TULP3: variants seen among roughly 807,000 people sequenced by gnomAD.
The protein encoded by TULP3 is TUB like protein 3, also known as tubby-related protein 3.
A neutral mutation model predicts 50.7 loss-of-function variants in TULP3; 38 were observed. The ratio of observed to expected loss-of-function variants is 0.75; its 90% CI spans 0.58 to 0.98. The LOEUF (loss-of-function observed/expected upper bound fraction) is 0.98, where lower values mean the gene tolerates loss of function less well. Ranked by LOEUF, TULP3 falls within the 50% of genes least tolerant of loss-of-function variation. The pLI is 0.00. For synonymous variants in TULP3, 183 were observed against 196.6 expected, an observed-to-expected ratio of 0.93 and a Z score of 0.58; for missense variants, 550 against 568.0, an observed-to-expected ratio of 0.97 and a Z score of 0.32.
rs11409686 is a variant in TULP3, at chr12:2,932,579, C to CAA, written c.697-820_697-819dup. ...TGGGTGACAGAGTGAGACCCTATCT[C>CAA]AAAAAAAAAAAAAAAAAAAAGCCAT... On this transcript the variant is annotated intron_variant, in intron 6 of 10. Coordinates refer to ENST00000448120, the MANE Select transcript of TULP3 (RefSeq NM_003324.5). Among the ~76,000 whole-genome samples the CAA allele has an allele frequency of 4.4e-3, 301 of 68,708 alleles. 1 individual carries two copies. Among genetic ancestry groups the CAA allele is most frequent in the Middle Eastern group, 0.021 (3 of 140 alleles). 45.1% of individuals were successfully genotyped at this position (68,708 alleles called of 152,430 possible).
chr12:2,927,366 A>ATGTTTTTTTTT (rs2098195288), intron 4 of TULP3, among the ~76,000 whole-genome samples: 1 of 105,194 alleles, frequency 9.5e-6, no homozygotes, highest in African/African-American at 3.9e-5. Context: ...GTTGAGACTG[A>ATGTTTTTTTTT]TTTTTTTTTT....
At position 2,939,253 on chromosome 12, in the gene TULP3, G is replaced by T; in HGVS notation, c.1196-58G>T. The T allele has an allele frequency of 1.3e-6, 2 of 1,575,876 alleles. No individual in the cohort carries two copies. ...CTAAGAAAAGGAAGAAAAAGAAAAAGATTTCCCTGAGTGCAACCACATTAT... is the reference window on the plus strand; with the variant it reads ...CTAAGAAAAGGAAGAAAAAGAAAAATATTTCCCTGAGTGCAACCACATTAT... On this transcript the variant is annotated intron_variant, in intron 10 of 10. Coordinates refer to ENST00000448120, the MANE Select transcript of TULP3 (RefSeq NM_003324.5). This position sits in a 1 kb window ranked among gnomAD's most constrained non-coding sequence, Gnocchi z 4.0.
chr12:2,929,359 G>C (rs979342406), intron 4 of TULP3, among the ~76,000 whole-genome samples: 1 of 152,074 alleles, frequency 6.6e-6, no homozygotes, highest in African/African-American at 2.4e-5. Context: ...ACCCAGGCTG[G>C]GGTGCAGTGG....
intron 1 of TULP3, among the ~76,000 whole-genome samples, chr12:2,892,273 T>C (rs537828714): frequency 8.0e-4 from 122 of 152,222 alleles, no homozygotes; most frequent in Middle Eastern, 6.8e-3. Flanking sequence ...CTTTTTTTTT[T>C]CCCAAGTCGA....
intron 1 of TULP3, among the ~76,000 whole-genome samples, chr12:2,899,868 G>C (rs1024486807): frequency 5.0e-5 from 7 of 141,208 alleles, no homozygotes; most frequent in Non-Finnish European, 9.0e-5. Flanking sequence ...ACTCCAGCCT[G>C]GGCGACAGAG....
chr12:2,911,523 ATTT>A (rs888363727), intron 2 of TULP3, among the ~76,000 whole-genome samples: 40 of 84,638 alleles, frequency 4.7e-4, no homozygotes, highest in Admixed American at 1.2e-4. Flanking sequence ...AGGCTAATTT[ATTT>A]TTTATTTTTT....
chr12:2,891,568 C>T (rs2098172115), intron 1 of TULP3, among the ~76,000 whole-genome samples: 1 of 152,134 alleles, frequency 6.6e-6, no homozygotes, highest in Non-Finnish European at 1.5e-5. Flanking sequence ...TTGTGCGCCT[C>T]TTTCTCTGCC....
rs762364081 is a variant in TULP3, at chr12:2,937,724, C to T, written c.1018C>T (p.Gln340Ter). ...TCATAAGCAGATCCCCTATCAGCCA[C>T]AAAACGTGAGTAAGAATGTATTTAA... ...LNHKQIPYQP[Q>*]NNHDSLLSRW... is the part of the protein sequence containing the mutation. The change falls in exon 9 of 11, where the codon CAA (glutamine) becomes TAA (stop). Residue 340 changes from glutamine to a stop codon, truncating the protein, a stop_gained. Transcript: ENST00000448120. LOFTEE classifies it high-confidence loss of function. 9.4e-6 allele frequency: 15 copies of T among 1,602,788 alleles called. No individual in the cohort carries two copies. The highest frequency in any genetic ancestry group is 1.3e-5 in the Non-Finnish European group (15 of 1,175,400).
intron 1 of TULP3, among the ~76,000 whole-genome samples, chr12:2,900,214 T>A (rs2098178313): frequency 6.6e-6 from 1 of 152,090 alleles, no homozygotes; most frequent in African/African-American, 2.4e-5. Context: ...AGAGCAAGAC[T>A]CTGTCTCAGA....
Position 2,938,007 on chromosome 12 carries a change from G to A in TULP3, c.1024-107G>A, listed in dbSNP as rs12316376. The A allele has an allele frequency of 6.9e-4, 860 of 1,248,814 alleles. 5 individuals are homozygous for A. In the African/African-American group the frequency reaches 0.011, roughly 17 times the overall value. The allele number at this position is 1,248,814 out of a possible 1,614,324, so 77.4% of individuals were successfully genotyped here. ...TCTTCATTGTTGGCTTTCATTCTTC[G>A]CTTCTGGTTTACCCTTTCTGAAATG... On this transcript the variant is annotated intron_variant, in intron 9 of 10. Transcript: ENST00000448120.
chr12:2,928,254 G>A (rs909911087), intron 4 of TULP3, among the ~76,000 whole-genome samples: 10 of 152,232 alleles, frequency 6.6e-5, no homozygotes, highest in African/African-American at 2.4e-4. Context: ...CAGGGGGCCA[G>A]CCATGGTGGC....
chr12:2,932,573 C>T (rs985189467), intron 6 of TULP3, among the ~76,000 whole-genome samples: 1 of 131,292 alleles, frequency 7.6e-6, no homozygotes, highest in African/African-American at 2.9e-5. Flanking sequence ...GAGTGAGACC[C>T]TATCTCAAAA....
chr12:2,940,842 C>T lies in TULP3; in HGVS notation c.*1398C>T, dbSNP rs567712543. ...AGGCATGTATCCCACCAAGTGCCTC[C>T]CTCACAGCCATGCCCAGAAGCCTCA... On this transcript the variant is annotated 3_prime_UTR_variant, in exon 11 of 11. Coordinates refer to ENST00000448120, the MANE Select transcript of TULP3 (RefSeq NM_003324.5). The T allele has an allele frequency of 1.1e-5, 10 of 948,106 alleles. No individual in the cohort carries two copies. In the South Asian group the frequency reaches 1.5e-4, roughly 15 times the overall value. 58.7% of individuals were successfully genotyped at this position (948,106 alleles called of 1,614,324 possible). A position where few individuals can be genotyped will look rare whatever the true frequency, so the allele number is the denominator to read the frequency against.
intron 4 of TULP3, among the ~76,000 whole-genome samples, chr12:2,928,309 T>G (rs1359765967): frequency 3.3e-5 from 5 of 152,070 alleles, no homozygotes; most frequent in Non-Finnish European, 5.9e-5. Context: ...GGCGGACAGA[T>G]CACCTGAGGT....
intron 1 of TULP3, among the ~76,000 whole-genome samples, chr12:2,903,570 A>AAAAAAAG (rs1287864157): frequency 4.6e-5 from 7 of 151,940 alleles, no homozygotes; most frequent in Admixed American, 6.6e-5. Context: ...CTCAAAAAAA[A>AAAAAAAG]AAAAAAGAAA....
intron 1 of TULP3, among the ~76,000 whole-genome samples, chr12:2,903,307 A>G (rs547060199): frequency 3.1e-4 from 47 of 152,146 alleles, no homozygotes; most frequent in Non-Finnish European, 5.7e-4. Flanking sequence ...TCATGCCTGT[A>G]ATCCCAGCAC....
At chr12:2,931,275 G>C (rs958703934) in intron 6 of TULP3, 35 bp downstream of exon 6, 1 of 1,602,286 alleles carries the variant, frequency 6.2e-7, no homozygotes, top group Non-Finnish European at 8.5e-7. Flanking sequence ...ACTCTTGAGA[G>C]AGAGAAGAAT....
At chr12:2,904,227 G>T (rs529358793) in intron 1 of TULP3, among the ~76,000 whole-genome samples, 1 of 152,052 alleles carries the variant, frequency 6.6e-6, no homozygotes, top group African/African-American at 2.4e-5. Context: ...GGTTTTTTTG[G>T]TGTCCGTAAA....
chr12:2,898,192 CTT>C (rs1325831436), intron 1 of TULP3, among the ~76,000 whole-genome samples: 7 of 151,872 alleles, frequency 4.6e-5, no homozygotes, highest in Non-Finnish European at 7.4e-5. Flanking sequence ...ATTGTCCTCA[CTT>C]TGTAAATTAG....
Sources: gnomAD v4.1 joint callset for allele counts (sites outside exome capture counted in the v4.1 genomes callset) on GRCh38, gnomAD v4.1.1 for gene constraint, Gnocchi (gnomAD v3.1) non-coding constraint, MANE v1.5 for transcripts, NCBI Gene and HGNC (gene_info 2026-07-23, HGNC 2026-07-21) for gene names.